MRPS25: variants seen among roughly 807,000 people sequenced by gnomAD.
The protein encoded by MRPS25 is mitochondrial ribosomal protein S25.
A neutral mutation model predicts 17.3 loss-of-function variants in MRPS25; 15 were observed. The observed-to-expected ratio is 0.87, with a 90% confidence interval of 0.58 to 1.34. MRPS25 has a LOEUF of 1.34. Ranked by LOEUF, MRPS25 falls within the 40% of genes most tolerant of loss-of-function variation. MRPS25 has a pLI of 0.00. For synonymous variants in MRPS25, 94 were observed against 83.3 expected (o/e 1.13, Z -0.70); for missense variants, 225 against 218.6 (o/e 1.03, Z -0.19).
rs771913741 is a variant in MRPS25, at chr3:15,063,047, G to GAA, written c.134+2012_134+2013dup. On this transcript the variant is annotated intron_variant, in intron 1 of 3. Coordinates refer to ENST00000253686, the MANE Select transcript of MRPS25 (RefSeq NM_022497.5). Reference sequence around the variant, plus strand: ...GAGAAACACCCAAGAATGATCAATTGAAAAAAAAAAAAAAAGAAAGTTAAT... The same window carrying GAA: ...GAGAAACACCCAAGAATGATCAATTGAAAAAAAAAAAAAAAAAGAAAGTTAAT... Among the ~76,000 whole-genome samples the GAA allele has an allele frequency of 6.2e-3, 699 of 112,316 alleles. 2 individuals are homozygous for GAA. Among genetic ancestry groups the GAA allele is most frequent in the African/African-American group, 0.022 (666 of 30,728 alleles). 73.7% of individuals were successfully genotyped at this position (112,316 alleles called of 152,430 possible).
intron 1 of MRPS25, among the ~76,000 whole-genome samples, chr3:15,060,864 G>A (rs1327443318): frequency 6.6e-6 from 1 of 151,380 alleles, no homozygotes; most frequent in African/African-American, 2.4e-5. Flanking sequence ...CTGGGTGACA[G>A]AGCAAGACTC....
At chr3:15,060,847 C>T (rs1326283635) in intron 1 of MRPS25, among the ~76,000 whole-genome samples, 1 of 152,016 alleles carries the variant, frequency 6.6e-6, no homozygotes, top group Non-Finnish European at 1.5e-5. Context: ...CGCCACTGCA[C>T]TCTAGCCTGG....
chr3:15,065,255 C>A lies in MRPS25; in HGVS notation c.-61G>T. 1 of 1,494,928 alleles carries A rather than the reference C, an allele frequency of 6.7e-7. No individual in the cohort carries two copies. The allele number at this position is 1,494,928 out of a possible 1,614,324, so 92.6% of individuals were successfully genotyped here. A position where few individuals can be genotyped will look rare whatever the true frequency, so the allele number is the denominator to read the frequency against. ...CGAGCCGAGCAGCGACGAGAAAGGA[C>A]TAGCTAGCACCCGCGCGGATCTCAC... On this transcript the variant is annotated 5_prime_UTR_variant, in exon 1 of 4. Coordinates refer to ENST00000253686, the MANE Select transcript of MRPS25 (RefSeq NM_022497.5).
At chr3:15,065,034 C>G (rs769939073) in intron 1 of MRPS25, 27 bp downstream of exon 1, 2 of 1,556,020 alleles carry the variant, frequency 1.3e-6, no homozygotes, top group Non-Finnish European at 1.7e-6. Flanking sequence ...GGTTACGGCT[C>G]GCCAGGCGGC....
At chr3:15,060,706 T>C (rs1344203588) in intron 1 of MRPS25, among the ~76,000 whole-genome samples, 1 of 151,740 alleles carries the variant, frequency 6.6e-6, no homozygotes, top group Non-Finnish European at 1.5e-5. Context: ...CACGGTGAAA[T>C]GCCGTCTCTA....
At chr3:15,053,172 G>C in intron 3 of MRPS25, 1 of 1,191,606 alleles carries the variant, frequency 8.4e-7, no homozygotes, top group African/African-American at 1.5e-5. Context: ...ACACTGTACA[G>C]CCAAGGGAGA....
rs1024745232 is a variant in MRPS25 at position 15,050,541 on chromosome 3, C to T, written c.*1900G>A. The T allele has an allele frequency of 3.0e-6, 3 of 985,420 alleles. No individual in the cohort carries two copies. The African/African-American group carries it at 5.2e-5, about 17-fold the overall frequency. The allele number at this position is 985,420 out of a possible 1,614,324, so 61.0% of individuals were successfully genotyped here. A position where few individuals can be genotyped will look rare whatever the true frequency, so the allele number is the denominator to read the frequency against. On this transcript the variant is annotated 3_prime_UTR_variant, in exon 4 of 4. Transcript: ENST00000253686. ...GTGCTTTCTGAAGAGCCCTTGCAGC[C>T]AAGTAGAACGCCCAGGCAGGTGGTA...
At chr3:15,063,527 G>A (rs1386211792) in intron 1 of MRPS25, among the ~76,000 whole-genome samples, 4 of 152,248 alleles carry the variant, frequency 2.6e-5, no homozygotes, top group Admixed American at 6.5e-5. Flanking sequence ...TCCAACCCAC[G>A]GGTACAAGAT....
At chr3:15,044,512 A>G (rs1029207041), downstream of MRPS25, 1 of 152,244 alleles carries the variant, frequency 6.6e-6, no homozygotes, top group Admixed American at 6.5e-5. Flanking sequence ...CACGGATGTG[A>G]ATATATAGCA....
At chr3:15,064,583 C>T (rs2042828465) in intron 1 of MRPS25, among the ~76,000 whole-genome samples, 1 of 152,238 alleles carries the variant, frequency 6.6e-6, no homozygotes, top group African/African-American at 2.4e-5. Context: ...GCTGGGGTTT[C>T]TCTAGGCATC....
chr3:15,058,350 C>T (rs542768327), intron 2 of MRPS25, among the ~76,000 whole-genome samples: 3 of 152,214 alleles, frequency 2.0e-5, no homozygotes, highest in Middle Eastern at 3.4e-3. Flanking sequence ...CCACCACGCC[C>T]GGCTAATTTT....
chr3:15,050,457 G>T lies in MRPS25; in HGVS notation c.*1984C>A. 2 of 983,812 alleles carry T rather than the reference G, an allele frequency of 2.0e-6. No homozygotes were observed. Among genetic ancestry groups the T allele is most frequent in the Non-Finnish European group, 1.2e-6 (1 of 829,792 alleles). The allele number at this position is 983,812 out of a possible 1,614,324, so 60.9% of individuals were successfully genotyped here. ...TAGAGGGAAGGAATACTCTCATAAG[G>T]CTTTGTGTGTCACTAGCTATGGAGA... On this transcript the variant is annotated 3_prime_UTR_variant, in exon 4 of 4. Coordinates refer to ENST00000253686, the MANE Select transcript of MRPS25 (RefSeq NM_022497.5).
At chr3:15,060,723 A>G (rs539605159) in intron 1 of MRPS25, among the ~76,000 whole-genome samples, 78 of 152,244 alleles carry the variant, frequency 5.1e-4, no homozygotes, top group African/African-American at 1.8e-3. Flanking sequence ...TCTACTAAAA[A>G]TACAAAAAAT....
chr3:15,059,540 A>G, intron 1 of MRPS25, 65 bp from the exon 2 acceptor site: 2 of 1,082,392 alleles, frequency 1.8e-6, no homozygotes, highest in Non-Finnish European at 2.8e-6. Flanking sequence ...ATGCGTGGGT[A>G]TTTTTCTAGG....
intron 1 of MRPS25, among the ~76,000 whole-genome samples, chr3:15,061,460 C>A (rs561588597): frequency 6.6e-6 from 1 of 152,020 alleles, no homozygotes; most frequent in Non-Finnish European, 1.5e-5. Flanking sequence ...GCGAGTGATC[C>A]GCCAGCCTCG....
chr3:15,060,934 G>A (rs11717398), intron 1 of MRPS25, among the ~76,000 whole-genome samples: 40 of 151,904 alleles, frequency 2.6e-4, no homozygotes, highest in Admixed American at 2.6e-4. Flanking sequence ...TCTAGGGGAG[G>A]AATAGAGGCC....
At chr3:15,047,086 C>T (rs2042483258), downstream of MRPS25, 1 of 152,618 alleles carries the variant, frequency 6.6e-6, no homozygotes, top group South Asian at 2.1e-4. Context: ...TCCATATGTA[C>T]AGTGTATATA....
intron 2 of MRPS25, among the ~76,000 whole-genome samples, chr3:15,059,019 AT>A (rs55962904): frequency 0.018 from 2,493 of 139,730 alleles, 27 homozygotes; most frequent in African/African-American, 0.037. Context: ...GCCCTGAAGA[AT>A]TTTTTTTTTT....
chr3:15,058,790 G>A (rs770266026), intron 2 of MRPS25, among the ~76,000 whole-genome samples: 1 of 152,142 alleles, frequency 6.6e-6, no homozygotes, highest in Non-Finnish European at 1.5e-5. Context: ...AAGTGTCTGA[G>A]AGCTGGGCCA....
Sources: gnomAD v4.1 joint callset for allele counts (sites outside exome capture counted in the v4.1 genomes callset) on GRCh38, gnomAD v4.1.1 for gene constraint, MANE v1.5 for transcripts, NCBI Gene and HGNC (gene_info 2026-07-23, HGNC 2026-07-21) for gene names.